TBX5: variants seen among roughly 807,000 people sequenced by gnomAD.
TBX5 encodes the protein T-box transcription factor TBX5.
A neutral mutation model predicts 51.1 loss-of-function variants in TBX5; 8 were observed. The ratio of observed to expected loss-of-function variants is 0.16; its 90% confidence interval spans 0.09 to 0.28. TBX5 has a LOEUF of 0.28. TBX5 is among the 10% of genes least tolerant of loss of function. The pLI, the probability that TBX5 is intolerant of heterozygous loss-of-function variation, is 1.00. For synonymous variants in TBX5, 302 were observed against 266.4 expected (o/e 1.13, Z -1.30); for missense variants, 589 against 671.7 (o/e 0.88, Z 1.36).
At chr12:114,366,512 C>A (rs963386803) in intron 7 of TBX5, 121 bp from the exon 8 acceptor site, 3 of 900,726 alleles carry the variant, frequency 3.3e-6, no homozygotes, top group African/African-American at 1.6e-5. Context: ...AAAAAGAGGT[C>A]TTTGATGAAT....
In TBX5 at chr12:114,370,638, C is replaced by CCTCTCTCT. The variant is rs142620191; in HGVS notation, c.756-4255_756-4248dup. ...GGGTTAGAGTGGGGGATGATCTCTCCCTCTCTCTCTCTCTCTCTCTCTCTC... is the reference window on the plus strand; with the variant it reads ...GGGTTAGAGTGGGGGATGATCTCTCCCTCTCTCTCTCTCTCTCTCTCTCTCTCTCTCTC... On this transcript the variant is annotated intron_variant, in intron 7 of 8. Coordinates refer to ENST00000405440, the MANE Select transcript of TBX5 (RefSeq NM_181486.4). 4.6e-4 allele frequency among the ~76,000 whole-genome samples: 68 copies of CCTCTCTCT among 146,866 alleles called. 1 individual carries two copies. The highest frequency in any genetic ancestry group is 1.3e-3 in the Admixed American group (19 of 14,718).
At chr12:114,380,333 G>A (rs1870438431) in intron 7 of TBX5, among the ~76,000 whole-genome samples, 1 of 152,158 alleles carries the variant, frequency 6.6e-6, no homozygotes, top group Non-Finnish European at 1.5e-5. Context: ...CTTTGTAGGT[G>A]GTTGAGCTTT....
chr12:114,385,330 G>A, intron 7 of TBX5, 146 bp downstream of exon 7: 1 of 749,296 alleles, frequency 1.3e-6, no homozygotes, highest in Non-Finnish European at 2.4e-6. Context: ...AAATGGGACA[G>A]AGGGGGCTCA....
intron 5 of TBX5, among the ~76,000 whole-genome samples, chr12:114,397,286 C>T (rs571984426): frequency 2.0e-5 from 3 of 152,134 alleles, no homozygotes; most frequent in African/African-American, 4.8e-5. Flanking sequence ...GAGACCTAGC[C>T]GCAAATCTCT....
At chr12:114,392,555 T>A (rs909169666) in intron 6 of TBX5, among the ~76,000 whole-genome samples, 12 of 152,178 alleles carry the variant, frequency 7.9e-5, no homozygotes, top group Admixed American at 3.3e-4. Flanking sequence ...TCAGATGGTT[T>A]TTTAAGCCGG....
chr12:114,392,100 C>T (rs755277338), intron 6 of TBX5, among the ~76,000 whole-genome samples: 7 of 150,850 alleles, frequency 4.6e-5, no homozygotes, highest in African/African-American at 7.3e-5. Flanking sequence ...GTGAAATACG[C>T]ATATATCCAA....
chr12:114,395,989 G>C (rs1197107610), intron 5 of TBX5, among the ~76,000 whole-genome samples: 1 of 152,144 alleles, frequency 6.6e-6, no homozygotes, highest in South Asian at 2.1e-4. Flanking sequence ...GAATCGCCGC[G>C]TTTAACAGCC....
chr12:114,370,210 GACA>G (rs1458295485), intron 7 of TBX5, among the ~76,000 whole-genome samples: 2 of 134,696 alleles, frequency 1.5e-5, no homozygotes, highest in Non-Finnish European at 3.1e-5. Flanking sequence ...CAGCCTGGAT[GACA>G]AGAGTGAAAC....
At chr12:114,401,679 C>G (rs1213194922) in intron 3 of TBX5, 147 bp downstream of exon 3, 122 of 671,308 alleles carry the variant, frequency 1.8e-4, no homozygotes, top group Non-Finnish European at 2.3e-4. Context: ...TTCGCTCTCT[C>G]TCTCCTCTCC....
chr12:114,372,822 C>T (rs1869985619), intron 7 of TBX5, among the ~76,000 whole-genome samples: 1 of 152,112 alleles, frequency 6.6e-6, no homozygotes, highest in African/African-American at 2.4e-5. Context: ...TGCCTTCCTT[C>T]AGTATCCAGG....
chr12:114,403,860 C>T lies in TBX5; in HGVS notation c.39G>A (p.Thr13=). 6.2e-7 allele frequency: 1 copy of T among 1,613,730 alleles called. No homozygotes were observed. The highest frequency in any genetic ancestry group is 8.5e-7 in the Non-Finnish European group (1 of 1,179,976). ...DADEGFGLAH[T]PLEPDAKDLP... ...GGTCTTTTGCGTCAGGCTCCAGAGG[C>T]GTGTGCGCCAGGCCAAAGCCCTCGT... The change falls in exon 2 of 9, where the codon ACG becomes ACA. Residue 13 remains threonine (T), a synonymous_variant. Transcript: ENST00000405440.
intron 7 of TBX5, among the ~76,000 whole-genome samples, chr12:114,378,207 G>A (rs918065897): frequency 6.6e-6 from 1 of 152,192 alleles, no homozygotes; most frequent in East Asian, 1.9e-4. Context: ...TTCTTATGGT[G>A]AAAAGACCAG....
At chr12:114,362,058 A>T (rs11067076) in intron 8 of TBX5, among the ~76,000 whole-genome samples, 34,061 of 151,860 alleles carry the variant, frequency 0.22, 4,069 homozygotes, top group Non-Finnish European at 0.26. Flanking sequence ...ATCCACAAAG[A>T]AGTGGGGTAA....
At chr12:114,376,272 T>TAC (rs200216641) in intron 7 of TBX5, among the ~76,000 whole-genome samples, 4,460 of 148,562 alleles carry the variant, frequency 0.03, 85 homozygotes, top group African/African-American at 0.065. Flanking sequence ...TGTGTATATA[T>TAC]ATACACACAC....
intron 6 of TBX5, among the ~76,000 whole-genome samples, chr12:114,385,896 A>G (rs1870788927): frequency 1.3e-5 from 2 of 151,244 alleles, no homozygotes; most frequent in African/African-American, 4.9e-5. Context: ...CTAGGCCTCA[A>G]TACTCAGTAC....
upstream of TBX5, chr12:114,408,127 G>A (rs1458868489): frequency 2.0e-6 from 2 of 985,310 alleles, no homozygotes; most frequent in Admixed American, 6.1e-5. Context: ...CAACCGGCCC[G>A]CGCGCTGTCA....
At chr12:114,357,849 G>A (rs932691301) in intron 8 of TBX5, among the ~76,000 whole-genome samples, 1 of 152,208 alleles carries the variant, frequency 6.6e-6, no homozygotes, top group African/African-American at 2.4e-5. Flanking sequence ...TTGGAGAAGT[G>A]AAGAAAAATG....
chr12:114,389,220 G>T (rs375212293), intron 6 of TBX5, among the ~76,000 whole-genome samples: 1 of 151,862 alleles, frequency 6.6e-6, no homozygotes, highest in African/African-American at 2.4e-5. Context: ...GAGCCACCAC[G>T]CTTGGCCTCA....
Position 114,406,078 on chromosome 12 carries a change from C to T in TBX5, c.-489G>A. ...TCACTCTCTCTCCCTCTCTCTCTCT[C>T]TCTGAAATACAAGCCAACTCAGCTG... On this transcript the variant is annotated 5_prime_UTR_variant, in exon 1 of 9. Coordinates refer to ENST00000405440, the MANE Select transcript of TBX5 (RefSeq NM_181486.4). The T allele has an allele frequency of 1.0e-6, 1 of 968,866 alleles. No individual in the cohort carries two copies. The highest frequency in any genetic ancestry group is 1.2e-6 in the Non-Finnish European group (1 of 814,976). 60.0% of individuals were successfully genotyped at this position (968,866 alleles called of 1,614,324 possible). A position where few individuals can be genotyped will look rare whatever the true frequency, so the allele number is the denominator to read the frequency against.
Sources: gnomAD v4.1 joint callset for allele counts (sites outside exome capture counted in the v4.1 genomes callset) on GRCh38, gnomAD v4.1.1 for gene constraint, MANE v1.5 for transcripts, NCBI Gene and HGNC (gene_info 2026-07-23, HGNC 2026-07-21) for gene names.